The following STXBP5L variants were observed in gnomAD, a reference collection of about 807,000 sequenced individuals.
STXBP5L encodes syntaxin binding protein 5L.
In STXBP5L, 65 loss-of-function variants were observed where a neutral mutation model predicts 144.5. That is an observed-to-expected ratio of 0.45 (90% CI 0.37 to 0.55). The LOEUF (loss-of-function observed/expected upper bound fraction) is 0.55, where lower values mean the gene tolerates loss of function less well. STXBP5L is among the 20% of genes least tolerant of loss of function. The pLI is 0.00. For missense variants in STXBP5L, 1,298 were observed against 1,405.5 expected (o/e 0.92, Z 1.22); for synonymous variants, 505 against 469.6 (o/e 1.08, Z -0.97).
rs199501165 is a variant in STXBP5L at position 121,187,970 on chromosome 3, AAAG to A, written c.878-17945_878-17943del. ...TTACATAATGGTAAATGGATCACTG[AAAG>A]AAGAAGAGCTAACTATCTTAAATAT... On this transcript the variant is annotated intron_variant, in intron 9 of 26. Coordinates refer to ENST00000471454, the MANE Select transcript of STXBP5L (RefSeq NM_001308330.2). 5.4e-3 allele frequency among the ~76,000 whole-genome samples: 823 copies of A among 152,310 alleles called. 11 individuals carry two copies. Among genetic ancestry groups the A allele is most frequent in the African/African-American group, 0.019 (789 of 41,576 alleles).
intron 2 of STXBP5L, among the ~76,000 whole-genome samples, chr3:120,919,478 C>G (rs941348516): frequency 3.3e-5 from 5 of 150,700 alleles, no homozygotes; most frequent in Non-Finnish European, 7.4e-5. Context: ...ATAATCTGTA[C>G]ATTACATTTA....
Position 121,413,217 on chromosome 3 carries a change from T to C in STXBP5L, c.3008T>C (p.Ile1003Thr), listed in dbSNP as rs747762936. The change falls in exon 24 of 27, where the codon ATA (isoleucine) becomes ACA (threonine). Residue 1003 changes from isoleucine to threonine, a missense_variant. Transcript: ENST00000471454. ...VNYLPLTDMR[I>T]ARTFCFTNEG... Reference sequence around the variant, plus strand: ...TATTTGCCACTGACAGACATGAGGATAGCACGAACATTTTGTTTTACCAAT... The same window carrying C: ...TATTTGCCACTGACAGACATGAGGACAGCACGAACATTTTGTTTTACCAAT... 1 of 1,610,502 alleles carries C rather than the reference T, an allele frequency of 6.2e-7. No homozygotes were observed. The highest frequency in any genetic ancestry group is 1.3e-5 in the African/African-American group (1 of 74,764).
chr3:121,207,373 A>G (rs1390190798), intron 10 of STXBP5L, among the ~76,000 whole-genome samples: 4 of 152,224 alleles, frequency 2.6e-5, no homozygotes, highest in African/African-American at 9.6e-5. Context: ...TAAAACCATA[A>G]AAACCCTAGA....
chr3:121,127,716 A>G (rs1434954080), intron 7 of STXBP5L, among the ~76,000 whole-genome samples: 1 of 151,954 alleles, frequency 6.6e-6, no homozygotes, highest in Non-Finnish European at 1.5e-5. Flanking sequence ...CTGGGTGCAC[A>G]TGAATTTTTG....
At chr3:120,985,013 C>T (rs535059463) in intron 3 of STXBP5L, among the ~76,000 whole-genome samples, 1 of 152,040 alleles carries the variant, frequency 6.6e-6, no homozygotes, top group Non-Finnish European at 1.5e-5. Context: ...ATAAATCCCA[C>T]TTGGTCATGG....
At chr3:120,957,931 G>A (rs903283728) in intron 3 of STXBP5L, among the ~76,000 whole-genome samples, 11 of 152,026 alleles carry the variant, frequency 7.2e-5, no homozygotes, top group Non-Finnish European at 1.5e-4. Context: ...AGGACATAGA[G>A]ACACAAAAAA....
At chr3:121,122,099 A>G (rs2044493413) in intron 7 of STXBP5L, among the ~76,000 whole-genome samples, 1 of 151,226 alleles carries the variant, frequency 6.6e-6, no homozygotes, top group Admixed American at 6.6e-5. Context: ...TTTCATTAAC[A>G]TGTACTAATA....
chr3:120,970,764 G>A (rs868779099), intron 3 of STXBP5L, among the ~76,000 whole-genome samples: 1 of 151,922 alleles, frequency 6.6e-6, no homozygotes, highest in South Asian at 2.1e-4. Flanking sequence ...TGCTTTCCAG[G>A]TCTTTTTCTT....
intron 3 of STXBP5L, among the ~76,000 whole-genome samples, chr3:120,979,899 C>A (rs747929044): frequency 2.0e-5 from 3 of 152,034 alleles, no homozygotes; most frequent in African/African-American, 2.4e-5. Flanking sequence ...TTGCTGTATC[C>A]TGTATGTTTT....
intron 5 of STXBP5L, among the ~76,000 whole-genome samples, chr3:121,073,281 A>T (rs772631101): frequency 5.3e-5 from 8 of 152,190 alleles, no homozygotes; most frequent in South Asian, 2.1e-4. Context: ...CACAGTCTCC[A>T]GGGTTATGTA....
intron 5 of STXBP5L, among the ~76,000 whole-genome samples, chr3:121,101,769 A>G (rs115200809): frequency 8.1e-4 from 124 of 152,234 alleles, no homozygotes; most frequent in African/African-American, 2.9e-3. Context: ...AAGGCATCCA[A>G]CTAGGAAAAG....
chr3:121,027,779 G>A (rs919265490), intron 3 of STXBP5L, among the ~76,000 whole-genome samples: 8 of 152,022 alleles, frequency 5.3e-5, no homozygotes, highest in African/African-American at 1.9e-4. Flanking sequence ...ACCTTGTCAT[G>A]TAACATAACA....
At chr3:121,227,251 A>G (rs2108300271) in intron 11 of STXBP5L, among the ~76,000 whole-genome samples, 1 of 152,308 alleles carries the variant, frequency 6.6e-6, no homozygotes, top group East Asian at 1.9e-4. Context: ...CAACAAAAAC[A>G]TTATCCTTAT....
chr3:121,129,589 G>T (rs2044876799), intron 7 of STXBP5L, among the ~76,000 whole-genome samples: 1 of 151,990 alleles, frequency 6.6e-6, no homozygotes, highest in South Asian at 2.1e-4. Flanking sequence ...TTTTCACATG[G>T]ATGTGGGATG....
chr3:120,932,724 G>T (rs1710011381), intron 2 of STXBP5L, among the ~76,000 whole-genome samples: 1 of 152,064 alleles, frequency 6.6e-6, no homozygotes, highest in African/African-American at 2.4e-5. Flanking sequence ...TATAAATCAT[G>T]CTGCTATAAA....
chr3:121,358,177 C>A (rs2045589995), intron 20 of STXBP5L, among the ~76,000 whole-genome samples: 1 of 151,896 alleles, frequency 6.6e-6, no homozygotes, highest in African/African-American at 2.4e-5. Flanking sequence ...CTGTAGTCAC[C>A]CTATTGTTCT....
chr3:121,261,555 A>T (rs2050382189), intron 18 of STXBP5L, among the ~76,000 whole-genome samples: 1 of 152,216 alleles, frequency 6.6e-6, no homozygotes, highest in South Asian at 2.1e-4. Flanking sequence ...ATTAAAAAAG[A>T]TAACATATCA....
chr3:121,023,627 G>A (rs1945717632), intron 3 of STXBP5L, among the ~76,000 whole-genome samples: 1 of 152,126 alleles, frequency 6.6e-6, no homozygotes, highest in Non-Finnish European at 1.5e-5. Context: ...ATAAGATGAG[G>A]AAAGGACACC....
At chr3:120,992,006 A>T (rs1027535660) in intron 3 of STXBP5L, among the ~76,000 whole-genome samples, 1 of 152,076 alleles carries the variant, frequency 6.6e-6, no homozygotes, top group Non-Finnish European at 1.5e-5. Context: ...AAAAATTAAT[A>T]TTTATATGGT....
Sources: gnomAD v4.1 joint callset for allele counts (sites outside exome capture counted in the v4.1 genomes callset) on GRCh38, gnomAD v4.1.1 for gene constraint, MANE v1.5 for transcripts, NCBI Gene and HGNC (gene_info 2026-07-23, HGNC 2026-07-21) for gene names.